Variants in BCAS3 observed in about 807,000 individuals in gnomAD.
BCAS3 encodes the protein BCAS4/BCAS3 fusion.
BCAS3 carries 53 observed loss-of-function variants against 116.1 expected under a neutral mutation model. The ratio of observed to expected loss-of-function variants is 0.46; its 90% CI spans 0.37 to 0.57. The LOEUF (loss-of-function observed/expected upper bound fraction) is 0.57, where lower values mean the gene tolerates loss of function less well. Among genes scored for constraint, BCAS3 ranks in the 20% least tolerant of loss-of-function variants. The probability of loss-of-function intolerance (pLI) is 0.00; values close to 1 mark genes in which losing one functional copy is unlikely to be tolerated. For synonymous variants in BCAS3, 391 were observed against 408.2 expected (o/e 0.96, Z 0.51); for missense variants, 917 against 1,165.4 (o/e 0.79, Z 3.10).
At chr17:60,873,216 AC>A (rs1208782293) in intron 8 of BCAS3, among the ~76,000 whole-genome samples, 1 of 152,116 alleles carries the variant, frequency 6.6e-6, no homozygotes, top group Non-Finnish European at 1.5e-5. Context: ...GTAAGAAGCA[AC>A]CCAGTAAAAT....
At chr17:61,072,613 G>A (rs1278912812) in intron 19 of BCAS3, among the ~76,000 whole-genome samples, 1 of 150,812 alleles carries the variant, frequency 6.6e-6, no homozygotes, top group Non-Finnish European at 1.5e-5. Context: ...CGTAAGGCAT[G>A]GTTACTCACT....
intron 5 of BCAS3, chr17:60,727,569 A>T: frequency 9.8e-7 from 1 of 1,019,268 alleles, no homozygotes; most frequent in South Asian, 2.0e-5. Context: ...GCCTGACAGG[A>T]AAGGAAAAAA....
At chr17:61,289,528 T>G (rs895253458) in intron 22 of BCAS3, among the ~76,000 whole-genome samples, 19 of 152,034 alleles carry the variant, frequency 1.2e-4, no homozygotes, top group African/African-American at 4.6e-4. Flanking sequence ...CAGGAGTTAG[T>G]GGTGTGGAGT....
In BCAS3 at chr17:60,754,680, T is replaced by TAC. The variant is rs772900751; in HGVS notation, c.403+7461_403+7462dup. 4.3e-3 allele frequency among the ~76,000 whole-genome samples: 630 copies of TAC among 145,410 alleles called. 1 individual carries two copies. The highest frequency in any genetic ancestry group is 0.016 in the African/African-American group (598 of 36,870). On this transcript the variant is annotated intron_variant, in intron 6 of 23. Transcript: ENST00000407086. ...AGAAATGCAGATGTAAAATTTAAAA[T>TAC]ACACACACACACACACACACACACA...
chr17:61,034,790 GGTAT>G lies in BCAS3; in HGVS notation c.1762+5_1762+8del, dbSNP rs1012886336. The stretch of plus-strand genomic sequence containing the variant: ...TAATGCAGGTCTGAAAAGAGAAAAA[GGTAT>G]GTATTTTTACTGAAAAATGAATGCT... On this transcript the variant is annotated splice_donor_variant and splice_donor_region_variant and intron_variant, in intron 17 of 23. Coordinates refer to ENST00000407086, the MANE Select transcript of BCAS3 (RefSeq NM_017679.5). LOFTEE classifies it high-confidence loss of function. The surrounding 1 kb of genome is among the most constrained non-coding windows in gnomAD (Gnocchi z 5.0). 2.5e-6 allele frequency: 4 copies of G among 1,589,338 alleles called. No homozygotes were observed. The highest frequency in any genetic ancestry group is 3.4e-6 in the Non-Finnish European group (4 of 1,172,040).
chr17:61,129,224 G>A lies in BCAS3; in HGVS notation c.2425+44660G>A, dbSNP rs147250607. The stretch of plus-strand genomic sequence containing the variant: ...CAGGCAATTTTCTTTTCTCAAAAGA[G>A]CAGTGCTAAAAATTATGAATTTCTT... On this transcript the variant is annotated intron_variant, in intron 22 of 23. Coordinates refer to ENST00000407086, the MANE Select transcript of BCAS3 (RefSeq NM_017679.5). 1.2e-3 allele frequency among the ~76,000 whole-genome samples: 180 copies of A among 152,330 alleles called. 3 individuals are homozygous for A. In the East Asian group the frequency reaches 0.024, roughly 21 times the overall value.
chr17:61,247,230 A>G (rs911888585), intron 22 of BCAS3, among the ~76,000 whole-genome samples: 1 of 152,180 alleles, frequency 6.6e-6, no homozygotes, highest in Non-Finnish European at 1.5e-5. Context: ...AACCTGAACC[A>G]TTTATTGATT....
chr17:61,172,362 G>A (rs1029123178), intron 22 of BCAS3, among the ~76,000 whole-genome samples: 4 of 152,372 alleles, frequency 2.6e-5, no homozygotes, highest in Admixed American at 6.5e-5. Context: ...CTGGCCGGGC[G>A]TGGTGGCTTA....
chr17:60,848,804 T>C (rs1162274791), intron 7 of BCAS3, among the ~76,000 whole-genome samples: 1 of 151,028 alleles, frequency 6.6e-6, no homozygotes, highest in East Asian at 1.9e-4. Context: ...GCTCAAGCAG[T>C]CCTCTGGCTT....
chr17:60,924,605 C>G (rs1272813890), intron 13 of BCAS3, 105 bp downstream of exon 13: 2 of 751,394 alleles, frequency 2.7e-6, no homozygotes, highest in Non-Finnish European at 4.2e-6. Flanking sequence ...CTTCATGTAT[C>G]AGTATATATC....
At chr17:61,221,445 C>T (rs1474132779) in intron 22 of BCAS3, among the ~76,000 whole-genome samples, 1 of 152,146 alleles carries the variant, frequency 6.6e-6, no homozygotes, top group Non-Finnish European at 1.5e-5. Context: ...TATCATCTGT[C>T]CTTTAGAGAT....
Position 61,215,739 on chromosome 17 carries a change from A to G in BCAS3, c.2425+131175A>G, listed in dbSNP as rs2081743803. ...GTTCTTGATATCCAGGCTCCATTAA[A>G]TGTGAACACTAACGTCTCTTAGTGC... On this transcript the variant is annotated intron_variant, in intron 22 of 23. Coordinates refer to ENST00000407086, the MANE Select transcript of BCAS3 (RefSeq NM_017679.5). The surrounding 1 kb of genome is among the most constrained non-coding windows in gnomAD (Gnocchi z 4.8). 1.3e-5 allele frequency among the ~76,000 whole-genome samples: 2 copies of G among 152,194 alleles called. No homozygotes were observed. Among genetic ancestry groups the G allele is most frequent in the South Asian group, 2.1e-4 (1 of 4,828 alleles).
At chr17:60,843,956 A>G (rs1198418473) in intron 7 of BCAS3, among the ~76,000 whole-genome samples, 1 of 152,176 alleles carries the variant, frequency 6.6e-6, no homozygotes, top group Non-Finnish European at 1.5e-5. Context: ...CCTGGCACAA[A>G]GTATACAACT....
intron 14 of BCAS3, among the ~76,000 whole-genome samples, chr17:60,983,078 T>A (rs2062910542): frequency 6.6e-6 from 1 of 152,074 alleles, no homozygotes; most frequent in East Asian, 1.9e-4. Context: ...AGAGCAGGGG[T>A]TTGAATAGTG....
intron 11 of BCAS3, among the ~76,000 whole-genome samples, chr17:60,904,797 C>A (rs977318010): frequency 1.3e-5 from 2 of 152,142 alleles, no homozygotes; most frequent in Non-Finnish European, 2.9e-5. Context: ...TGCGTCACTG[C>A]AATCTGTTTA....
intron 11 of BCAS3, 97 bp downstream of exon 11, chr17:60,902,800 C>T (rs2057982280): frequency 2.1e-6 from 2 of 968,618 alleles, no homozygotes; most frequent in Admixed American, 2.2e-5. Flanking sequence ...GATTGTAGTG[C>T]TTGTACTTAT....
chr17:60,728,078 G>A (rs1237237758), intron 5 of BCAS3, among the ~76,000 whole-genome samples: 1 of 151,982 alleles, frequency 6.6e-6, no homozygotes, highest in African/African-American at 2.4e-5. Flanking sequence ...CAAAGTGCTG[G>A]GATTACAGGT....
intron 10 of BCAS3, among the ~76,000 whole-genome samples, chr17:60,900,648 T>G (rs1030960894): frequency 6.6e-6 from 1 of 152,208 alleles, no homozygotes; most frequent in Non-Finnish European, 1.5e-5. Context: ...TTGACCAAAG[T>G]CTATATCCCT....
chr17:60,817,465 A>G (rs1255028356), intron 7 of BCAS3, among the ~76,000 whole-genome samples: 2 of 152,236 alleles, frequency 1.3e-5, no homozygotes, highest in African/African-American at 2.4e-5. Context: ...TTAATCCAAT[A>G]TATTATGATC....
Sources: gnomAD v4.1 joint callset for allele counts (sites outside exome capture counted in the v4.1 genomes callset) on GRCh38, gnomAD v4.1.1 for gene constraint, Gnocchi (gnomAD v3.1) non-coding constraint, MANE v1.5 for transcripts, NCBI Gene and HGNC (gene_info 2026-07-23, HGNC 2026-07-21) for gene names.